Variants in RBMS3 observed in about 807,000 individuals in gnomAD.
RBMS3 encodes RNA-binding motif, single-stranded-interacting protein 3.
In RBMS3, 27 loss-of-function variants were observed where a neutral mutation model predicts 66.8. The observed-to-expected ratio is 0.40, with a 90% CI of 0.30 to 0.56. The LOEUF is 0.56. Ranked by LOEUF, RBMS3 falls within the 20% of genes least tolerant of loss-of-function variation. The pLI is 0.40. For missense variants in RBMS3, 513 were observed against 549.5 expected (o/e 0.93, Z 0.66); for synonymous variants, 188 against 183.0 (o/e 1.03, Z -0.22).
chr3:29,344,066 A>G (rs1575582712), intron 1 of RBMS3, among the ~76,000 whole-genome samples: 1 of 152,204 alleles, frequency 6.6e-6, no homozygotes, highest in African/African-American at 2.4e-5. Context: ...CTAAGTCTCT[A>G]TTATTGCCTA....
chr3:29,907,044 A>C (rs2149623101), intron 10 of RBMS3, among the ~76,000 whole-genome samples: 1 of 152,264 alleles, frequency 6.6e-6, no homozygotes, highest in East Asian at 1.9e-4. Flanking sequence ...TCCAGGAAGC[A>C]ATCAGTGACC....
intron 1 of RBMS3, among the ~76,000 whole-genome samples, chr3:29,283,252 T>C (rs573682253): frequency 6.6e-6 from 1 of 152,296 alleles, no homozygotes; most frequent in East Asian, 1.9e-4. Flanking sequence ...TTGGCTACAT[T>C]TTTCCAAGTG....
chr3:29,883,369 A>T (rs571434864), intron 7 of RBMS3, among the ~76,000 whole-genome samples: 17 of 152,188 alleles, frequency 1.1e-4, no homozygotes, highest in Admixed American at 7.2e-4. Context: ...CAGTGTCTTC[A>T]TCTATAAAAT....
At chr3:29,283,935 T>G (rs1343191797) in intron 1 of RBMS3, among the ~76,000 whole-genome samples, 2 of 152,132 alleles carry the variant, frequency 1.3e-5, no homozygotes, top group Non-Finnish European at 2.9e-5. Flanking sequence ...TGCAATCATA[T>G]TTTAAAATGT....
chr3:29,994,363 G>A (rs1238746248), intron 14 of RBMS3, among the ~76,000 whole-genome samples: 7 of 152,240 alleles, frequency 4.6e-5, no homozygotes, highest in Admixed American at 1.3e-4. Context: ...AGGGGCACCC[G>A]CCATTGCCCA....
intron 2 of RBMS3, among the ~76,000 whole-genome samples, chr3:29,481,607 C>G (rs2043132571): frequency 6.6e-6 from 1 of 152,126 alleles, no homozygotes; most frequent in Non-Finnish European, 1.5e-5. Context: ...GTAGTGGAGA[C>G]AGCATTCAAG....
chr3:29,792,945 GA>G (rs2057060170), intron 6 of RBMS3, among the ~76,000 whole-genome samples: 1 of 152,098 alleles, frequency 6.6e-6, no homozygotes, highest in African/African-American at 2.4e-5. Context: ...GAAATTCCTT[GA>G]AGGAAAAGCT....
At chr3:29,799,625 G>C (rs1265757661) in intron 6 of RBMS3, among the ~76,000 whole-genome samples, 6 of 152,124 alleles carry the variant, frequency 3.9e-5, no homozygotes, top group Admixed American at 3.9e-4. Context: ...ACCCCCCTCA[G>C]ATAGGTACAT....
At chr3:29,736,384 C>T (rs867477621) in intron 4 of RBMS3, among the ~76,000 whole-genome samples, 15 of 152,250 alleles carry the variant, frequency 9.9e-5, no homozygotes, top group South Asian at 2.1e-4. Context: ...CTAAGCTCTG[C>T]GTATTTATGG....
At chr3:29,518,260 C>T (rs951952234) in intron 3 of RBMS3, among the ~76,000 whole-genome samples, 1 of 152,140 alleles carries the variant, frequency 6.6e-6, no homozygotes, top group African/African-American at 2.4e-5. Flanking sequence ...CAATATCCAC[C>T]CTCCTTCTGT....
chr3:29,497,700 G>A (rs2043806558), intron 3 of RBMS3, among the ~76,000 whole-genome samples: 1 of 152,162 alleles, frequency 6.6e-6, no homozygotes, highest in Non-Finnish European at 1.5e-5. Flanking sequence ...CATCTCTCAT[G>A]CTTTTATGAT....
At chr3:29,867,158 G>A (rs2059383086) in intron 6 of RBMS3, among the ~76,000 whole-genome samples, 1 of 151,858 alleles carries the variant, frequency 6.6e-6, no homozygotes, top group African/African-American at 2.4e-5. Flanking sequence ...TTCCACTGTT[G>A]ATTTTGGAAA....
intron 1 of RBMS3, among the ~76,000 whole-genome samples, chr3:29,337,174 C>A (rs1044860799): frequency 1.3e-5 from 2 of 152,064 alleles, no homozygotes; most frequent in African/African-American, 4.8e-5. Flanking sequence ...TATTTGTAAA[C>A]TAATGAATAC....
chr3:29,706,643 T>A (rs532318957), intron 4 of RBMS3, among the ~76,000 whole-genome samples: 1 of 152,276 alleles, frequency 6.6e-6, no homozygotes, highest in South Asian at 2.1e-4. Context: ...ACGAATGACA[T>A]CTTGAAACAT....
intron 6 of RBMS3, among the ~76,000 whole-genome samples, chr3:29,813,807 T>G (rs969872356): frequency 6.6e-6 from 1 of 152,120 alleles, no homozygotes; most frequent in African/African-American, 2.4e-5. Context: ...ATAAGAATGC[T>G]TGTGATTTTT....
chr3:29,306,777 T>TCCCG (rs2034041669), intron 1 of RBMS3, among the ~76,000 whole-genome samples: 1 of 151,876 alleles, frequency 6.6e-6, no homozygotes, highest in Admixed American at 6.6e-5. Context: ...TTGACTTTGC[T>TCCCG]TATGTTCTCC....
intron 1 of RBMS3, among the ~76,000 whole-genome samples, chr3:29,360,478 A>G (rs1244102659): frequency 6.6e-6 from 1 of 151,940 alleles, no homozygotes; most frequent in Non-Finnish European, 1.5e-5. Flanking sequence ...TATGTGGTCA[A>G]TTTTGCAATA....
intron 6 of RBMS3, among the ~76,000 whole-genome samples, chr3:29,834,153 G>A (rs1382811122): frequency 6.6e-6 from 1 of 152,014 alleles, no homozygotes; most frequent in Admixed American, 6.6e-5. Context: ...ATAAATAAAA[G>A]TTGAGGAAGT....
chr3:29,600,217 A>T (rs1275123204), intron 4 of RBMS3, among the ~76,000 whole-genome samples: 1 of 152,056 alleles, frequency 6.6e-6, no homozygotes, highest in African/African-American at 2.4e-5. Flanking sequence ...CAATATTTGC[A>T]CGTTTGTCCC....
Sources: allele counts gnomAD v4.1 joint callset (sites outside exome capture counted in the v4.1 genomes callset), GRCh38; gene constraint gnomAD v4.1.1; transcripts MANE v1.5; gene names NCBI Gene and HGNC (gene_info 2026-07-23, HGNC 2026-07-21).